The following SMARCB1 variants were observed in gnomAD, a reference collection of about 807,000 sequenced individuals.
SMARCB1 encodes SWI/SNF related BAF chromatin remodeling complex subunit B1.
A neutral mutation model predicts 49.0 loss-of-function variants in SMARCB1; 5 were observed. The ratio of observed to expected loss-of-function variants is 0.10; its 90% confidence interval spans 0.05 to 0.21. The LOEUF is 0.21. SMARCB1 is among the 10% of genes least tolerant of loss of function. The pLI, the probability that SMARCB1 is intolerant of heterozygous loss-of-function variation, is 1.00. For synonymous variants in SMARCB1, 201 were observed against 200.1 expected, an observed-to-expected ratio of 1.00 and a Z score of -0.04; for missense variants, 226 against 509.2, an observed-to-expected ratio of 0.44 and a Z score of 5.35.
At position 23,834,603 on chromosome 22, in the gene SMARCB1, A is replaced by T. The variant is rs1181801954; in HGVS notation, c.*423A>T. The stretch of plus-strand genomic sequence containing the variant: ...CGGGGCCTGGGGGGACGAAGGTGGT[A>T]TGTGAACAAGGTTGGCACACAGGCC... On this transcript the variant is annotated 3_prime_UTR_variant, in exon 9 of 9. Coordinates refer to ENST00000644036, the MANE Select transcript of SMARCB1 (RefSeq NM_003073.5). 1 of 724,134 alleles carries T rather than the reference A, an allele frequency of 1.4e-6. No homozygotes were observed. Among genetic ancestry groups the T allele is most frequent in the African/African-American group, 1.7e-5 (1 of 57,192 alleles). The allele number at this position is 724,134 out of a possible 1,614,324, so 44.9% of individuals were successfully genotyped here. A position where few individuals can be genotyped will look rare whatever the true frequency, so the allele number is the denominator to read the frequency against.
At position 23,803,287 on chromosome 22, in the gene SMARCB1, A is replaced by G. The variant is rs1428797312; in HGVS notation, c.501-8A>G. The G allele has an allele frequency of 8.1e-6, 13 of 1,613,964 alleles. No individual in the cohort carries two copies. Among genetic ancestry groups the G allele is most frequent in the African/African-American group, 1.3e-5 (1 of 75,008 alleles). ...CCTCGCTGACTGTTGCTTCCATTTC[A>G]CTTTCAGCTTTGATGACCATGACCC... is the stretch of plus-strand genomic sequence containing the variant. On this transcript the variant is annotated splice_region_variant and splice_polypyrimidine_tract_variant and intron_variant, in intron 4 of 8. Transcript: ENST00000644036.
intron 2 of SMARCB1, chr22:23,792,273 C>G: frequency 2.8e-6 from 1 of 358,980 alleles, no homozygotes; most frequent in Non-Finnish European, 5.5e-6. Context: ...CCAGCTCCCA[C>G]TCCCCTCTGG....
intron 3 of SMARCB1, among the ~76,000 whole-genome samples, 157 bp downstream of exon 3, chr22:23,793,845 G>A (rs988537103): frequency 5.4e-5 from 8 of 148,648 alleles, no homozygotes; most frequent in African/African-American, 2.0e-4. Context: ...GCAGTGGCAC[G>A]ATCTTGGCTC....
intron 1 of SMARCB1, among the ~76,000 whole-genome samples, chr22:23,788,857 T>C (rs1928182582): frequency 6.7e-6 from 1 of 149,638 alleles, no homozygotes. Flanking sequence ...TTTTCCACCA[T>C]TTTTTTTTTC....
At chr22:23,807,159 A>G (rs1231432654) in intron 5 of SMARCB1, among the ~76,000 whole-genome samples, 2 of 152,194 alleles carry the variant, frequency 1.3e-5, no homozygotes, top group African/African-American at 4.8e-5. Context: ...TTCACCCAGA[A>G]GGGGAACAAG....
chr22:23,803,095 T>C lies in SMARCB1; in HGVS notation c.501-200T>C, dbSNP rs557881819. 4 of 683,102 alleles carry C rather than the reference T, an allele frequency of 5.9e-6. No individual in the cohort carries two copies. In the African/African-American group the frequency reaches 7.0e-5, roughly 12 times the overall value. The allele number at this position is 683,102 out of a possible 1,614,324, so 42.3% of individuals were successfully genotyped here. ...ATTGCAGACAGACTGGTGCTTGTTA[T>C]TTATGGCCCCAACTGTCCCCATTAG... On this transcript the variant is annotated intron_variant, in intron 4 of 8. Coordinates refer to ENST00000644036, the MANE Select transcript of SMARCB1 (RefSeq NM_003073.5).
chr22:23,829,422 G>A (rs1422982331), intron 7 of SMARCB1, among the ~76,000 whole-genome samples: 2 of 152,162 alleles, frequency 1.3e-5, no homozygotes, highest in African/African-American at 4.8e-5. Flanking sequence ...CTGCCCCAGG[G>A]GGCTCTGCAC....
intron 4 of SMARCB1, chr22:23,802,323 T>A (rs936052091): frequency 6.5e-6 from 1 of 152,814 alleles, no homozygotes; most frequent in East Asian, 1.9e-4. Context: ...CTCCCAGAGC[T>A]CCTGCCCTGC....
At chr22:23,799,679 A>ATTCTT (rs1929015452) in intron 3 of SMARCB1, among the ~76,000 whole-genome samples, 1 of 68,406 alleles carries the variant, frequency 1.5e-5, no homozygotes, top group African/African-American at 5.8e-5. Flanking sequence ...CACCTGGCTA[A>ATTCTT]TTTTTTTTTT....
rs547641830 is a variant in SMARCB1 at position 23,837,952 on chromosome 22, A to G, written c.*3772A>G. 3.9e-4 allele frequency: 511 copies of G among 1,312,290 alleles called. 7 individuals are homozygous for G. In the South Asian group the frequency reaches 6.4e-3, roughly 17 times the overall value. The allele number at this position is 1,312,290 out of a possible 1,614,324, so 81.3% of individuals were successfully genotyped here. On this transcript the variant is annotated 3_prime_UTR_variant, in exon 9 of 9. Transcript: ENST00000644036. The stretch of plus-strand genomic sequence containing the variant: ...TGGAATTCTTCCCCTCATCTCCCCT[A>G]TGTGCTATTCCCTCATCAAGATGAG...
At chr22:23,789,883 A>G (rs1322397615) in intron 1 of SMARCB1, among the ~76,000 whole-genome samples, 1 of 152,236 alleles carries the variant, frequency 6.6e-6, no homozygotes, top group Non-Finnish European at 1.5e-5. Flanking sequence ...CAGCCATAGC[A>G]ACATACCCAG....
chr22:23,787,286 C>T, intron 1 of SMARCB1, 24 bp downstream of exon 1: 3 of 1,455,036 alleles, frequency 2.1e-6, no homozygotes, highest in Non-Finnish European at 2.9e-6. Context: ...CGTTCTCGCC[C>T]TCCCCGGGCT....
chr22:23,795,383 C>A (rs967395559), intron 3 of SMARCB1, among the ~76,000 whole-genome samples: 3 of 152,030 alleles, frequency 2.0e-5, no homozygotes, highest in Non-Finnish European at 4.4e-5. Flanking sequence ...AGGCCGGGCA[C>A]GGTGGCTCAC....
intron 5 of SMARCB1, chr22:23,816,552 C>T (rs1027652454): frequency 6.4e-6 from 4 of 629,014 alleles, no homozygotes; most frequent in Non-Finnish European, 8.6e-6. Context: ...ACCCCCAGGG[C>T]ATGGAGCAGG....
chr22:23,823,525 C>T lies in SMARCB1; in HGVS notation c.796-1700C>T, dbSNP rs368812954. ...GACACTGCAGCTCTGCCCTCGGCTT[C>T]CTCCCTCTGCGTGAGGATTCCTTCA... On this transcript the variant is annotated intron_variant, in intron 6 of 8. Transcript: ENST00000644036. 9.2e-5 allele frequency: 14 copies of T among 152,448 alleles called. No individual in the cohort carries two copies. In the South Asian group the frequency reaches 1.0e-3, roughly 11 times the overall value. 9.4% of individuals were successfully genotyped at this position (152,448 alleles called of 1,614,324 possible). A position where few individuals can be genotyped will look rare whatever the true frequency, so the allele number is the denominator to read the frequency against.
At chr22:23,820,182 G>A (rs1379622416) in intron 6 of SMARCB1, among the ~76,000 whole-genome samples, 1 of 151,400 alleles carries the variant, frequency 6.6e-6, no homozygotes, top group Non-Finnish European at 1.5e-5. Context: ...GTGTAGGTCT[G>A]TAGTTTTCCT....
chr22:23,816,491 T>G (rs1930202924), intron 5 of SMARCB1: 1 of 584,634 alleles, frequency 1.7e-6, no homozygotes, highest in African/African-American at 1.9e-5. Flanking sequence ...GATAATCTCA[T>G]GCGCCCACCC....
chr22:23,809,759 A>G (rs575426473), intron 5 of SMARCB1, among the ~76,000 whole-genome samples: 5 of 152,134 alleles, frequency 3.3e-5, no homozygotes, highest in African/African-American at 1.2e-4. Flanking sequence ...AAGAAGTGGC[A>G]TGATATTTTT....
intron 5 of SMARCB1, among the ~76,000 whole-genome samples, chr22:23,808,729 G>A (rs1008035821): frequency 1.4e-5 from 2 of 146,918 alleles, no homozygotes; most frequent in Non-Finnish European, 1.5e-5. Context: ...CGGAGTTTCC[G>A]CTCTTGTTGC....
Sources: allele counts gnomAD v4.1 joint callset (sites outside exome capture counted in the v4.1 genomes callset), GRCh38; gene constraint gnomAD v4.1.1; transcripts MANE v1.5; gene names NCBI Gene and HGNC (gene_info 2026-07-23, HGNC 2026-07-21).